The following ABLIM2 variants were observed in gnomAD, a reference collection of about 807,000 sequenced individuals.
ABLIM2 encodes actin-binding LIM protein 2.
A neutral mutation model predicts 97.7 loss-of-function variants in ABLIM2; 53 were observed. The observed-to-expected ratio is 0.54, with a 90% CI of 0.44 to 0.68. ABLIM2 has a LOEUF of 0.68. Ranked by LOEUF, ABLIM2 falls within the 30% of genes least tolerant of loss-of-function variation. The probability of loss-of-function intolerance (pLI) is 0.00; values close to 1 mark genes in which losing one functional copy is unlikely to be tolerated. For synonymous variants in ABLIM2, 361 were observed against 345.8 expected, an observed-to-expected ratio of 1.04 and a Z score of -0.49; for missense variants, 835 against 867.2, an observed-to-expected ratio of 0.96 and a Z score of 0.47.
At chr4:8,134,619 G>C (rs80225162) in intron 1 of ABLIM2, among the ~76,000 whole-genome samples, 2,823 of 152,344 alleles carry the variant, frequency 0.019, 58 homozygotes, top group East Asian at 0.11. Context: ...AATTCACAGA[G>C]ACACAAATGT....
intron 20 of ABLIM2, among the ~76,000 whole-genome samples, chr4:7,980,848 C>T (rs1386963060): frequency 1.3e-5 from 2 of 151,574 alleles, no homozygotes; most frequent in South Asian, 2.1e-4. Context: ...TTTAAAAGTC[C>T]GAATAGGAAA....
At position 8,124,753 on chromosome 4, in the gene ABLIM2, A is replaced by G. The variant is rs906920137; in HGVS notation, c.11-18116T>C. Among the ~76,000 whole-genome samples the G allele has an allele frequency of 1.3e-5, 2 of 152,134 alleles. No homozygotes were observed. The highest frequency in any genetic ancestry group is 1.9e-4 in the East Asian group (1 of 5,190). ...AATATTCGTGTGGACATAGGTTTGC[A>G]TGCTTTTTGGGTAGATACCCAGGAG... is the stretch of plus-strand genomic sequence containing the variant. On this transcript the variant is annotated intron_variant, in intron 1 of 20. Coordinates refer to ENST00000447017, the MANE Select transcript of ABLIM2 (RefSeq NM_001130083.2). This position sits in a 1 kb window ranked among gnomAD's most constrained non-coding sequence, Gnocchi z 6.1.
At chr4:7,995,842 C>T (rs115627329) in intron 16 of ABLIM2, among the ~76,000 whole-genome samples, 2 of 152,156 alleles carry the variant, frequency 1.3e-5, no homozygotes, top group Non-Finnish European at 1.5e-5. Context: ...TATTCCTCCC[C>T]CTCCCAGCCC....
chr4:7,987,616 CA>C (rs1457112975), intron 17 of ABLIM2, among the ~76,000 whole-genome samples: 1 of 152,306 alleles, frequency 6.6e-6, no homozygotes, highest in East Asian at 1.9e-4. Context: ...CCAAAACTCG[CA>C]GGGCACCACC....
At chr4:7,993,749 C>T (rs1750807079) in intron 16 of ABLIM2, among the ~76,000 whole-genome samples, 4 of 152,202 alleles carry the variant, frequency 2.6e-5, no homozygotes, top group South Asian at 2.1e-4. Context: ...AAATTTCTAG[C>T]TTCTCGTGAA....
At chr4:7,993,935 G>A (rs368157935) in intron 16 of ABLIM2, 27 of 514,660 alleles carry the variant, frequency 5.2e-5, no homozygotes, top group African/African-American at 3.9e-4. Flanking sequence ...GACCTCCGAA[G>A]TAACCTCTTC....
chr4:8,088,977 AG>A (rs1275599336), intron 3 of ABLIM2, among the ~76,000 whole-genome samples: 1 of 152,242 alleles, frequency 6.6e-6, no homozygotes, highest in Non-Finnish European at 1.5e-5. Flanking sequence ...GTAGACAGGA[AG>A]ATGCTGGACA....
chr4:8,116,257 C>T (rs1842730768), intron 1 of ABLIM2, among the ~76,000 whole-genome samples: 1 of 152,256 alleles, frequency 6.6e-6, no homozygotes, highest in African/African-American at 2.4e-5. Flanking sequence ...GTGATGGCCC[C>T]AGACATCAAA....
At position 8,032,238 on chromosome 4, in the gene ABLIM2, C is replaced by T. The variant is rs930536866; in HGVS notation, c.1048-2462G>A. 6.6e-6 allele frequency among the ~76,000 whole-genome samples: 1 copy of T among 151,886 alleles called. No individual in the cohort carries two copies. The highest frequency in any genetic ancestry group is 1.5e-5 in the Non-Finnish European group (1 of 67,980). ...AAAACTAGACCACTAACAGTAAAAG[C>T]TCTTTTGTAGAGAGACACGTCCAGT... On this transcript the variant is annotated intron_variant, in intron 10 of 20. Coordinates refer to ENST00000447017, the MANE Select transcript of ABLIM2 (RefSeq NM_001130083.2). The surrounding 1 kb of genome is among the most constrained non-coding windows in gnomAD (Gnocchi z 4.3).
chr4:8,010,903 G>T (rs1764531412), intron 14 of ABLIM2, among the ~76,000 whole-genome samples: 1 of 152,214 alleles, frequency 6.6e-6, no homozygotes, highest in Non-Finnish European at 1.5e-5. Context: ...CAGGGAGAAG[G>T]CAGGCTAGGG....
intron 14 of ABLIM2, among the ~76,000 whole-genome samples, chr4:8,017,787 A>T (rs1205514863): frequency 6.6e-6 from 1 of 152,118 alleles, no homozygotes; most frequent in Non-Finnish European, 1.5e-5. Flanking sequence ...AGGTCAAAAG[A>T]TTGAGATCAT....
rs1263918510 is a variant in ABLIM2 at position 7,998,214 on chromosome 4, T to C, written c.1619-5287A>G. Among the ~76,000 whole-genome samples the C allele has an allele frequency of 6.6e-6, 1 of 152,094 alleles. No individual in the cohort carries two copies. Among genetic ancestry groups the C allele is most frequent in the Admixed American group, 6.6e-5 (1 of 15,258 alleles). ...TGCTGTCTTTTTTCATTCAAATCAT[T>C]GATCTTCGGTGTTCTTGGTGTGACG... On this transcript the variant is annotated intron_variant, in intron 16 of 20. Coordinates refer to ENST00000447017, the MANE Select transcript of ABLIM2 (RefSeq NM_001130083.2). This position sits in a 1 kb window ranked among gnomAD's most constrained non-coding sequence, Gnocchi z 6.4.
chr4:7,967,605 A>G (rs1304105109), intron 20 of ABLIM2, among the ~76,000 whole-genome samples: 3 of 152,154 alleles, frequency 2.0e-5, no homozygotes, highest in Non-Finnish European at 4.4e-5. Flanking sequence ...CCCAGGCGCA[A>G]ATCCTCCCTC....
At chr4:8,057,104 T>C (rs1432951257) in intron 7 of ABLIM2, among the ~76,000 whole-genome samples, 7 of 149,170 alleles carry the variant, frequency 4.7e-5, no homozygotes, top group Non-Finnish European at 8.9e-5. Flanking sequence ...CTTTCTTTTT[T>C]TTTTTTTTTT....
At chr4:8,158,226 C>G (rs1453644377) in intron 1 of ABLIM2, among the ~76,000 whole-genome samples, 1 of 152,230 alleles carries the variant, frequency 6.6e-6, no homozygotes, top group African/African-American at 2.4e-5. Flanking sequence ...CGCCCCCAAC[C>G]CAGGCGCTGC....
chr4:8,118,944 A>G (rs563649234), intron 1 of ABLIM2, among the ~76,000 whole-genome samples: 65 of 152,250 alleles, frequency 4.3e-4, no homozygotes, highest in Non-Finnish European at 7.2e-4. Context: ...CAGACGCAAA[A>G]GCTCACCAGG....
chr4:8,131,509 G>A lies in ABLIM2; in HGVS notation c.11-24872C>T, dbSNP rs115763903. Among the ~76,000 whole-genome samples, 876 of 152,298 alleles carry A rather than the reference G, an allele frequency of 5.8e-3. 6 individuals carry two copies. The highest frequency in any genetic ancestry group is 9.1e-3 in the Non-Finnish European group (617 of 68,018). On this transcript the variant is annotated intron_variant, in intron 1 of 20. Coordinates refer to ENST00000447017, the MANE Select transcript of ABLIM2 (RefSeq NM_001130083.2). ...CTTTAGTAAAAGAGGGGGATGAGCTGTTTCTGCATGCGGAGGGCAGATGGG... is the reference window on the plus strand; with the variant it reads ...CTTTAGTAAAAGAGGGGGATGAGCTATTTCTGCATGCGGAGGGCAGATGGG...
intron 1 of ABLIM2, among the ~76,000 whole-genome samples, chr4:8,138,758 C>T (rs1233359101): frequency 6.6e-6 from 1 of 152,080 alleles, no homozygotes; most frequent in African/African-American, 2.4e-5. Context: ...CAATAAAAAC[C>T]CTAGAAGAAA....
intron 7 of ABLIM2, among the ~76,000 whole-genome samples, chr4:8,059,685 T>C: frequency 6.6e-6 from 1 of 152,002 alleles, no homozygotes; most frequent in Non-Finnish European, 1.5e-5. Flanking sequence ...GCAGATTGCC[T>C]GAGGTCAGGA....
Sources: allele counts gnomAD v4.1 joint callset (sites outside exome capture counted in the v4.1 genomes callset), GRCh38; gene constraint gnomAD v4.1.1; non-coding constraint Gnocchi (gnomAD v3.1); transcripts MANE v1.5; gene names NCBI Gene and HGNC (gene_info 2026-07-23, HGNC 2026-07-21).